Variants in SLC35A5 observed in about 807,000 individuals in gnomAD.
SLC35A5 encodes the protein solute carrier family 35 member A5.
In SLC35A5, 28 loss-of-function variants were observed where a neutral mutation model predicts 36.3. The observed-to-expected ratio is 0.77, with a 90% CI of 0.57 to 1.06. The LOEUF is 1.06. Among genes scored for constraint, SLC35A5 ranks in the 50% least tolerant of loss-of-function variants. The pLI, the probability that SLC35A5 is intolerant of heterozygous loss-of-function variation, is 0.00. For missense variants in SLC35A5, 521 were observed against 499.3 expected, an observed-to-expected ratio of 1.04 and a Z score of -0.41; for synonymous variants, 180 against 173.7, an observed-to-expected ratio of 1.04 and a Z score of -0.29.
At chr3:112,571,790 C>T (rs137985139) in intron 4 of SLC35A5, among the ~76,000 whole-genome samples, 2,528 of 152,202 alleles carry the variant, frequency 0.017, 43 homozygotes, top group Non-Finnish European at 0.028. Context: ...GTGAAACCTC[C>T]GCCATGATTC....
chr3:112,576,847 C>A (rs1332264728), intron 5 of SLC35A5, among the ~76,000 whole-genome samples: 1 of 152,068 alleles, frequency 6.6e-6, no homozygotes, highest in Non-Finnish European at 1.5e-5. Flanking sequence ...CATTGGTTTT[C>A]CCTATTTAAT....
chr3:112,566,107 A>G (rs1934185952), intron 2 of SLC35A5, among the ~76,000 whole-genome samples: 2 of 152,268 alleles, frequency 1.3e-5, no homozygotes, highest in Non-Finnish European at 2.9e-5. Flanking sequence ...CAGAACATAG[A>G]AAAGACAGGA....
rs1185141148 is a variant in SLC35A5, at chr3:112,583,753, AATAT to A, written c.*1021_*1024del. The A allele has an allele frequency of 6.6e-6, 1 of 152,132 alleles. No individual in the cohort carries two copies. The highest frequency in any genetic ancestry group is 1.9e-4 in the East Asian group (1 of 5,198). The allele number at this position is 152,132 out of a possible 1,614,324, so 9.4% of individuals were successfully genotyped here. A position where few individuals can be genotyped will look rare whatever the true frequency, so the allele number is the denominator to read the frequency against. On this transcript the variant is annotated 3_prime_UTR_variant, in exon 7 of 7. Coordinates refer to ENST00000492406, the MANE Select transcript of SLC35A5 (RefSeq NM_017945.5). ...ATACTCTAAAAATAGAAAGACCAGT[AATAT>A]ATAAGTCACTTTACAGTGCTACTTC...
upstream of SLC35A5, chr3:112,561,657 G>A (rs1933890835): frequency 1.2e-5 from 11 of 893,672 alleles, no homozygotes; most frequent in Non-Finnish European, 1.9e-5. Flanking sequence ...CACCCGAGGG[G>A]ACGGGACGCG....
Position 112,581,314 on chromosome 3 carries a change from G to C in SLC35A5, c.1197G>C (p.Glu399Asp), listed in dbSNP as rs1439746285. 1 of 1,605,702 alleles carries C rather than the reference G, an allele frequency of 6.2e-7. No individual in the cohort carries two copies. The highest frequency in any genetic ancestry group is 1.3e-5 in the African/African-American group (1 of 74,356). The stretch of plus-strand genomic sequence containing the variant: ...GAGATCTAAGTGGCAATCTTTGGGA[G>C]CGTTCCAGTGGGGTAAGTTTGTGAG... ...RIRDLSGNLW[E>D]RSSGDGEELE... Residue 399 changes from glutamate to aspartate, a missense_variant, in exon 6 of 7, where the codon GAG becomes GAC. Coordinates refer to ENST00000492406, the MANE Select transcript of SLC35A5 (RefSeq NM_017945.5).
At chr3:112,570,179 T>TG (rs373511286) in intron 3 of SLC35A5, among the ~76,000 whole-genome samples, 8 of 150,868 alleles carry the variant, frequency 5.3e-5, no homozygotes, top group South Asian at 2.1e-4. Context: ...TGATTTGCCC[T>TG]GGGGGGCAAA....
At chr3:112,576,965 C>G (rs1934702447) in intron 5 of SLC35A5, among the ~76,000 whole-genome samples, 1 of 151,782 alleles carries the variant, frequency 6.6e-6, no homozygotes, top group African/African-American at 2.4e-5. Context: ...TGCCACTTTT[C>G]ATTTAGAATA....
chr3:112,570,062 C>T (rs1357479480), intron 3 of SLC35A5, among the ~76,000 whole-genome samples: 2 of 152,136 alleles, frequency 1.3e-5, no homozygotes, highest in Non-Finnish European at 2.9e-5. Flanking sequence ...TGCTACAGTG[C>T]CTAAGTTTTT....
rs1576759014 is a variant in SLC35A5 at position 112,578,159 on chromosome 3, G to A, written c.429-2387G>A. On this transcript the variant is annotated intron_variant, in intron 5 of 6. Transcript: ENST00000492406. ...AATGTTGAACTAAAGCCCCCCCTTT[G>A]AGTATGTTACTGATTGAAGTTCCTT... 4.6e-5 allele frequency among the ~76,000 whole-genome samples: 7 copies of A among 152,192 alleles called. 2 individuals carry two copies. The highest frequency in any genetic ancestry group is 4.6e-4 in the Admixed American group (7 of 15,282).
rs1235873806 is a variant in SLC35A5 at position 112,581,196 on chromosome 3, T to C, written c.1079T>C (p.Phe360Ser). 3.1e-6 allele frequency: 5 copies of C among 1,613,980 alleles called. No individual in the cohort carries two copies. The highest frequency in any genetic ancestry group is 4.2e-6 in the Non-Finnish European group (5 of 1,179,908). ...VFDFRPSLEF[F>S]LEAPSVLLSI... The stretch of plus-strand genomic sequence containing the variant: ...GACTTCAGGCCCTCCCTGGAATTTT[T>C]CTTGGAAGCCCCATCAGTCCTTCTC... The change falls in exon 6 of 7, where the codon TTC becomes TCC. Residue 360 changes from phenylalanine (F) to serine (S), a missense_variant. Physicochemically the swap from Phe to Ser is radical, Grantham distance 155. Coordinates refer to ENST00000492406, the MANE Select transcript of SLC35A5 (RefSeq NM_017945.5).
chr3:112,567,275 C>T (rs1171596076), intron 2 of SLC35A5, among the ~76,000 whole-genome samples: 1 of 151,684 alleles, frequency 6.6e-6, no homozygotes, highest in Non-Finnish European at 1.5e-5. Context: ...TACACTAAAG[C>T]CAAAGGAAAT....
rs555779655 is a variant in SLC35A5, at chr3:112,583,072, A to G, written c.*336A>G. ...TGTTAGCTATAGCTTGTATATACAC[A>G]TAGAGATCAATTTGCCAAATATTCA... On this transcript the variant is annotated 3_prime_UTR_variant, in exon 7 of 7. Transcript: ENST00000492406. The G allele has an allele frequency of 7.2e-5, 29 of 404,258 alleles. No homozygotes were observed. The South Asian group carries it at 1.3e-3, about 18-fold the overall frequency. The allele number at this position is 404,258 out of a possible 1,614,324, so 25.0% of individuals were successfully genotyped here. A position where few individuals can be genotyped will look rare whatever the true frequency, so the allele number is the denominator to read the frequency against.
chr3:112,572,999 A>G (rs948074811), intron 4 of SLC35A5, among the ~76,000 whole-genome samples: 1 of 152,230 alleles, frequency 6.6e-6, no homozygotes, highest in East Asian at 1.9e-4. Flanking sequence ...ATAAGAATGT[A>G]ATAGAAAAAC....
At chr3:112,572,778 G>C (rs1460747171) in intron 4 of SLC35A5, among the ~76,000 whole-genome samples, 1 of 152,170 alleles carries the variant, frequency 6.6e-6, no homozygotes, top group Non-Finnish European at 1.5e-5. Flanking sequence ...CTCTTGCATG[G>C]AAAGAGTATT....
upstream of SLC35A5, chr3:112,561,867 C>T: frequency 3.3e-6 from 1 of 298,646 alleles, no homozygotes; most frequent in Non-Finnish European, 6.3e-6. Flanking sequence ...TGCGAGCTGT[C>T]TGTCCTCGCT....
At position 112,583,136 on chromosome 3, in the gene SLC35A5, T is replaced by G. The variant is rs1049282219; in HGVS notation, c.*400T>G. 1 of 398,848 alleles carries G rather than the reference T, an allele frequency of 2.5e-6. No homozygotes were observed. The highest frequency in any genetic ancestry group is 2.1e-5 in the African/African-American group (1 of 48,610). The allele number at this position is 398,848 out of a possible 1,614,324, so 24.7% of individuals were successfully genotyped here. A position where few individuals can be genotyped will look rare whatever the true frequency, so the allele number is the denominator to read the frequency against. ...CTAGTTTACATGCCAAAGTCTTCCCTTTTTAACATTATAAAAGCTAGGTTG... is the reference window on the plus strand; with the variant it reads ...CTAGTTTACATGCCAAAGTCTTCCCGTTTTAACATTATAAAAGCTAGGTTG... On this transcript the variant is annotated 3_prime_UTR_variant, in exon 7 of 7. Transcript: ENST00000492406.
At chr3:112,568,563 CCT>C (rs1300206717) in intron 2 of SLC35A5, among the ~76,000 whole-genome samples, 2 of 152,218 alleles carry the variant, frequency 1.3e-5, no homozygotes, top group South Asian at 2.1e-4. Context: ...CCAAGTATTT[CCT>C]CTCGGCCCTA....
chr3:112,569,880 C>T (rs944509271), intron 3 of SLC35A5, among the ~76,000 whole-genome samples: 1 of 152,168 alleles, frequency 6.6e-6, no homozygotes, highest in South Asian at 2.1e-4. Context: ...ATGAGGTAAA[C>T]GTAAACTTTA....
At chr3:112,570,908 A>G (rs1469852036) in intron 4 of SLC35A5, among the ~76,000 whole-genome samples, 1 of 152,142 alleles carries the variant, frequency 6.6e-6, no homozygotes, top group Non-Finnish European at 1.5e-5. Context: ...GTTGCTCCCT[A>G]GACCAAGAAA....
Sources: allele counts gnomAD v4.1 joint callset (sites outside exome capture counted in the v4.1 genomes callset), GRCh38; gene constraint gnomAD v4.1.1; transcripts MANE v1.5; gene names NCBI Gene and HGNC (gene_info 2026-07-23, HGNC 2026-07-21).